The following NTMT1 variants were observed in gnomAD, a reference collection of about 807,000 sequenced individuals.
NTMT1 encodes the protein N-terminal RCC1 methyltransferase.
A neutral mutation model predicts 17.5 loss-of-function variants in NTMT1; 8 were observed. The ratio of observed to expected loss-of-function variants is 0.46; its 90% CI spans 0.27 to 0.82. The LOEUF is 0.82. NTMT1 is among the 40% of genes least tolerant of loss of function. NTMT1 has a pLI of 0.15. For missense variants in NTMT1, 221 were observed against 303.5 expected (o/e 0.73, Z 2.02); for synonymous variants, 128 against 126.8 (o/e 1.01, Z -0.06).
At chr9:129,618,495 G>A (rs1830500771) in intron 1 of NTMT1, among the ~76,000 whole-genome samples, 1 of 152,128 alleles carries the variant, frequency 6.6e-6, no homozygotes, top group Admixed American at 6.6e-5. Context: ...ATGAATGTAT[G>A]GGTAGATGGA....
At chr9:129,633,010 G>A in intron 2 of NTMT1, 145 bp downstream of exon 2, 1 of 868,434 alleles carries the variant, frequency 1.2e-6, no homozygotes. Flanking sequence ...TGAGGAGCTG[G>A]GCTGGGTGGG....
At chr9:129,630,648 AC>A (rs2118946377) in intron 1 of NTMT1, among the ~76,000 whole-genome samples, 1 of 152,108 alleles carries the variant, frequency 6.6e-6, no homozygotes, top group Non-Finnish European at 1.5e-5. Context: ...TTCCGTGTTG[AC>A]CCTGTAGCTC....
At chr9:129,627,412 T>C (rs773264755) in intron 1 of NTMT1, among the ~76,000 whole-genome samples, 7 of 152,252 alleles carry the variant, frequency 4.6e-5, no homozygotes, top group Non-Finnish European at 1.0e-4. Flanking sequence ...ATCCTCATAG[T>C]GGGCAGAGTT....
At chr9:129,615,757 T>C in intron 1 of NTMT1, 1 of 1,196,352 alleles carries the variant, frequency 8.4e-7, no homozygotes, top group Non-Finnish European at 1.1e-6. Flanking sequence ...TACACTGGTC[T>C]TGAAGAATGG....
Position 129,620,697 on chromosome 9 carries a change from G to A in NTMT1, c.-55+11519G>A, listed in dbSNP as rs1830660205. The A allele has an allele frequency of 6.6e-6, 6 of 909,562 alleles. No individual in the cohort carries two copies. The Middle Eastern group carries it at 1.2e-3, about 175-fold the overall frequency. 56.3% of individuals were successfully genotyped at this position (909,562 alleles called of 1,614,324 possible). ...CCCCGGGCGGGGCAGCGCGGTGCGGGGTGAACGCCACCGGCCCGGCGGACA... is the reference window on the plus strand; with the variant it reads ...CCCCGGGCGGGGCAGCGCGGTGCGGAGTGAACGCCACCGGCCCGGCGGACA... On this transcript the variant is annotated intron_variant, in intron 1 of 3. Coordinates refer to the NTMT1 transcript ENST00000372486. This position sits in a 1 kb window ranked among gnomAD's most constrained non-coding sequence, Gnocchi z 5.8.
rs1009953629 is a variant in NTMT1 at position 129,613,752 on chromosome 9, C to A, written c.-55+4574C>A. 2.0e-5 allele frequency among the ~76,000 whole-genome samples: 3 copies of A among 152,216 alleles called. No individual in the cohort carries two copies. The highest frequency in any genetic ancestry group is 2.1e-4 in the South Asian group (1 of 4,836). Reference sequence around the variant, plus strand: ...CGCCTTCTGGCTGCCTCCAGAGAAGCCTTGGGTTTTAAAACCACCTTGCGT... The same window carrying A: ...CGCCTTCTGGCTGCCTCCAGAGAAGACTTGGGTTTTAAAACCACCTTGCGT... On this transcript the variant is annotated intron_variant, in intron 1 of 3. Transcript: ENST00000372486. This position sits in a 1 kb window ranked among gnomAD's most constrained non-coding sequence, Gnocchi z 6.2.
chr9:129,609,617 G>A (rs1294124010), intron 1 of NTMT1, among the ~76,000 whole-genome samples: 1 of 151,696 alleles, frequency 6.6e-6, no homozygotes, highest in Non-Finnish European at 1.5e-5. Context: ...CCCTGTTGGG[G>A]CCCCTGGGGA....
chr9:129,621,983 C>T (rs1830739385), upstream of NTMT1, among the ~76,000 whole-genome samples: 1 of 152,196 alleles, frequency 6.6e-6, no homozygotes. Context: ...CGCCCCTCAC[C>T]CCTGGGCATC....
At chr9:129,632,466 C>T (rs946166508) in intron 1 of NTMT1, among the ~76,000 whole-genome samples, 184 bp from the exon 2 acceptor site, 1 of 152,168 alleles carries the variant, frequency 6.6e-6, no homozygotes, top group Admixed American at 6.5e-5. Context: ...GGCGGGTGCT[C>T]TGAGTGCAAA....
chr9:129,628,406 G>C (rs1830996299), intron 1 of NTMT1: 1 of 152,190 alleles, frequency 6.6e-6, no homozygotes, highest in Non-Finnish European at 1.5e-5. Flanking sequence ...TTGTAAATTA[G>C]ATTATTCAGG....
At chr9:129,634,725 C>A in intron 3 of NTMT1, 1 of 220,000 alleles carries the variant, frequency 4.5e-6, no homozygotes, top group Non-Finnish European at 9.0e-6. Flanking sequence ...GACGTGGCGG[C>A]AGGCCGCTAG....
Position 129,627,845 on chromosome 9 carries a change from G to A in NTMT1, c.-55+1550G>A, listed in dbSNP as rs145053969. The stretch of plus-strand genomic sequence containing the variant: ...AGGTAACTTTTAGGCAGGCTTTTCC[G>A]TAGAGACTTACGTGAGGAGGATGAG... On this transcript the variant is annotated intron_variant, in intron 1 of 3. Transcript: ENST00000372483. Among the ~76,000 whole-genome samples, 229 of 152,346 alleles carry A rather than the reference G, an allele frequency of 1.5e-3. 4 individuals are homozygous for A. The highest frequency in any genetic ancestry group is 5.3e-3 in the African/African-American group (219 of 41,580).
upstream of NTMT1, among the ~76,000 whole-genome samples, chr9:129,622,734 A>G (rs552893717): frequency 3.8e-3 from 566 of 150,800 alleles, 1 homozygote; most frequent in Non-Finnish European, 5.4e-3. Context: ...CTGTCTCACA[A>G]AAAAAAAAGA....
At chr9:129,630,729 C>T (rs915893542) in intron 1 of NTMT1, among the ~76,000 whole-genome samples, 6 of 152,252 alleles carry the variant, frequency 3.9e-5, no homozygotes, top group Non-Finnish European at 8.8e-5. Context: ...CTAGAAGCCC[C>T]CTGCTCTCCT....
chr9:129,615,947 A>G (rs73670146), intron 1 of NTMT1, among the ~76,000 whole-genome samples: 37,300 of 152,164 alleles, frequency 0.25, 4,957 homozygotes, highest in East Asian at 0.41. Flanking sequence ...TGCAGCTGTC[A>G]GGCATGGAGC....
At position 129,613,112 on chromosome 9, in the gene NTMT1, C is replaced by G. The variant is rs774751558; in HGVS notation, c.-55+3934C>G. On this transcript the variant is annotated intron_variant, in intron 1 of 3. Coordinates refer to the NTMT1 transcript ENST00000372486. This position sits in a 1 kb window ranked among gnomAD's most constrained non-coding sequence, Gnocchi z 6.2. ...GAGCAAGACCATTTGCCCACCTGCTCCAGGTTTCTGTGCGGGTCCAAGAAG... is the reference window on the plus strand; with the variant it reads ...GAGCAAGACCATTTGCCCACCTGCTGCAGGTTTCTGTGCGGGTCCAAGAAG... 6.2e-7 allele frequency: 1 copy of G among 1,613,766 alleles called. No individual in the cohort carries two copies. Among genetic ancestry groups the G allele is most frequent in the Admixed American group, 1.7e-5 (1 of 59,998 alleles).
intron 1 of NTMT1, chr9:129,615,431 C>T (rs1028397406): frequency 6.7e-7 from 1 of 1,496,934 alleles, no homozygotes. Context: ...GCCTCTCTGC[C>T]CTCCTGGCTA....
chr9:129,610,903 TC>T (rs1830100813), intron 1 of NTMT1, among the ~76,000 whole-genome samples: 1 of 152,008 alleles, frequency 6.6e-6, no homozygotes, highest in Non-Finnish European at 1.5e-5. Flanking sequence ...GGAGGGGACG[TC>T]CCAGGGACTG....
In NTMT1 at chr9:129,620,483, C is replaced by T; in HGVS notation, c.-55+11305C>T. On this transcript the variant is annotated intron_variant, in intron 1 of 3. Coordinates refer to the NTMT1 transcript ENST00000372486. This position sits in a 1 kb window ranked among gnomAD's most constrained non-coding sequence, Gnocchi z 5.8. ...CGCGGGCGGGGTCAGCTTGGGCAGC[C>T]GCGGGTCGCTGCTGCGTCGGAAGTC... The T allele has an allele frequency of 2.2e-6, 3 of 1,389,804 alleles. No homozygotes were observed. Among genetic ancestry groups the T allele is most frequent in the Non-Finnish European group, 2.8e-6 (3 of 1,067,248 alleles). The allele number at this position is 1,389,804 out of a possible 1,614,324, so 86.1% of individuals were successfully genotyped here.
Sources: gnomAD v4.1 joint callset for allele counts (sites outside exome capture counted in the v4.1 genomes callset) on GRCh38, gnomAD v4.1.1 for gene constraint, Gnocchi (gnomAD v3.1) non-coding constraint, MANE v1.5 for transcripts, NCBI Gene and HGNC (gene_info 2026-07-23, HGNC 2026-07-21) for gene names.